ABCC9: variants seen among roughly 807,000 people sequenced by gnomAD.
ABCC9 encodes the protein ATP-binding cassette sub-family C member 9.
A neutral mutation model predicts 188.3 loss-of-function variants in ABCC9; 95 were observed. The ratio of observed to expected loss-of-function variants is 0.50; its 90% CI spans 0.43 to 0.60. The LOEUF is 0.60. Ranked by LOEUF, ABCC9 falls within the 20% of genes least tolerant of loss-of-function variation. The pLI is 0.00. For missense variants in ABCC9, 1,102 were observed against 1,876.3 expected (o/e 0.59, Z 7.62); for synonymous variants, 659 against 652.7 (o/e 1.01, Z -0.15).
At chr12:21,935,655 G>C (rs1174432389) in intron 3 of ABCC9, among the ~76,000 whole-genome samples, 1 of 152,100 alleles carries the variant, frequency 6.6e-6, no homozygotes, top group African/African-American at 2.4e-5. Flanking sequence ...GTTGTCTCCT[G>C]TGAAAAGATA....
chr12:21,905,982 G>T, intron 12 of ABCC9, 144 bp downstream of exon 12: 2 of 874,800 alleles, frequency 2.3e-6, no homozygotes, highest in East Asian at 2.6e-5. Flanking sequence ...GTGGCTGGTG[G>T]CTATTGGACA....
At chr12:21,910,568 C>T (rs573426478) in intron 9 of ABCC9, among the ~76,000 whole-genome samples, 1 of 151,770 alleles carries the variant, frequency 6.6e-6, no homozygotes, top group African/African-American at 2.4e-5. Context: ...TAAGCATAAG[C>T]CCTAGAACAA....
intron 16 of ABCC9, among the ~76,000 whole-genome samples, chr12:21,879,305 G>A (rs1005865780): frequency 6.6e-6 from 1 of 152,148 alleles, no homozygotes; most frequent in South Asian, 2.1e-4. Context: ...TGATAGGAAG[G>A]AGTATCAGGC....
intron 38 of ABCC9, 151 bp from the exon 39 acceptor site, chr12:21,806,211 A>C: frequency 1.4e-6 from 1 of 723,580 alleles, no homozygotes. Context: ...AGTCCCCAGC[A>C]GCAGGTTCAT....
In ABCC9 at chr12:21,844,756, C is replaced by T. The variant is rs771589793; in HGVS notation, c.3245+11G>A. ...TTTATGTGTGGGAGTGAGAAATAAC[C>T]ACTGTTTTACCTTATTGGTCCAAGG... On this transcript the variant is annotated intron_variant, in intron 27 of 39. Coordinates refer to ENST00000261200, the MANE Select transcript of ABCC9 (RefSeq NM_020297.4). 6.2e-7 allele frequency: 1 copy of T among 1,613,574 alleles called. No homozygotes were observed. Among genetic ancestry groups the T allele is most frequent in the Non-Finnish European group, 8.5e-7 (1 of 1,179,728 alleles).
chr12:21,931,550 A>G (rs1949289658), intron 4 of ABCC9, among the ~76,000 whole-genome samples: 1 of 152,126 alleles, frequency 6.6e-6, no homozygotes, highest in African/African-American at 2.4e-5. Context: ...CATGACCACT[A>G]CAAACAAGTT....
chr12:21,799,448 T>C lies in ABCC9; in HGVS notation c.*1596A>G, dbSNP rs1359932989. 1 of 152,154 alleles carries C rather than the reference T, an allele frequency of 6.6e-6. No homozygotes were observed. The highest frequency in any genetic ancestry group is 2.4e-5 in the African/African-American group (1 of 41,456). The allele number at this position is 152,154 out of a possible 1,614,324, so 9.4% of individuals were successfully genotyped here. ...ACATAATTAATGAGTACCAATCCTA[T>C]TCTGTTTAGCTTTAAGAAAACAATA... On this transcript the variant is annotated 3_prime_UTR_variant, in exon 40 of 40. Transcript: ENST00000261200.
chr12:21,927,260 G>A (rs1949078342), intron 4 of ABCC9, among the ~76,000 whole-genome samples: 1 of 152,202 alleles, frequency 6.6e-6, no homozygotes, highest in African/African-American at 2.4e-5. Context: ...TCAACCCGTG[G>A]AAAACTGAAA....
intron 16 of ABCC9, among the ~76,000 whole-genome samples, chr12:21,876,038 C>T (rs1946328540): frequency 2.0e-5 from 3 of 151,854 alleles, no homozygotes; most frequent in Admixed American, 6.6e-5. Flanking sequence ...GGTGACAGAG[C>T]GAGACTCCAT....
At chr12:21,822,524 G>T (rs1317800549) in intron 31 of ABCC9, among the ~76,000 whole-genome samples, 3 of 152,090 alleles carry the variant, frequency 2.0e-5, no homozygotes, top group Non-Finnish European at 4.4e-5. Flanking sequence ...TTGTGGCCAG[G>T]TGCAGTGGCT....
chr12:21,851,213 A>T (rs76870823), intron 24 of ABCC9, among the ~76,000 whole-genome samples: 1,774 of 152,306 alleles, frequency 0.012, 20 homozygotes, highest in Middle Eastern at 0.061. Context: ...ACTCAAGAAC[A>T]AAACATTTCA....
At chr12:21,872,122 G>C (rs704203) in intron 18 of ABCC9, among the ~76,000 whole-genome samples, 150,980 of 152,308 alleles carry the variant, frequency 0.99, 74,842 homozygotes, top group Middle Eastern at 1. Context: ...ACTAATCAAA[G>C]CTATTCATAT....
chr12:21,885,360 T>C (rs190856001), intron 15 of ABCC9, among the ~76,000 whole-genome samples: 3 of 152,308 alleles, frequency 2.0e-5, no homozygotes, highest in Non-Finnish European at 4.4e-5. Flanking sequence ...CCTGAAGATA[T>C]TGGATGCATT....
intron 37 of ABCC9, among the ~76,000 whole-genome samples, chr12:21,808,931 A>T (rs1474954999): frequency 6.6e-6 from 1 of 152,132 alleles, no homozygotes; most frequent in Non-Finnish European, 1.5e-5. Flanking sequence ...TCTCCTTGGA[A>T]CTTAATTAAA....
intron 38 of ABCC9, among the ~76,000 whole-genome samples, chr12:21,806,668 G>A (rs550637540): frequency 1.6e-4 from 25 of 152,078 alleles, no homozygotes; most frequent in Non-Finnish European, 1.6e-4. Context: ...CAGTATTACC[G>A]TTATAATAAC....
chr12:21,874,306 T>A (rs10841906), intron 17 of ABCC9, among the ~76,000 whole-genome samples: 47,913 of 151,542 alleles, frequency 0.32, 8,064 homozygotes, highest in South Asian at 0.46. Context: ...CCATAATGAC[T>A]TATCACCTCA....
chr12:21,827,576 A>G (rs1438247326), intron 31 of ABCC9, among the ~76,000 whole-genome samples: 1 of 150,602 alleles, frequency 6.6e-6, no homozygotes, highest in South Asian at 2.1e-4. Context: ...ACACACTCAC[A>G]TATCAAAACA....
At chr12:21,820,298 A>G (rs1432474565) in intron 31 of ABCC9, among the ~76,000 whole-genome samples, 4 of 152,026 alleles carry the variant, frequency 2.6e-5, no homozygotes, top group Non-Finnish European at 5.9e-5. Flanking sequence ...TGAGTGGTGT[A>G]TATGTTAAGA....
chr12:21,857,023 G>T (rs930444574), intron 22 of ABCC9, among the ~76,000 whole-genome samples: 4 of 152,134 alleles, frequency 2.6e-5, no homozygotes, highest in African/African-American at 9.7e-5. Context: ...ACTGTACCTT[G>T]TGAATTTTTA....
Sources: gnomAD v4.1 joint callset for allele counts (sites outside exome capture counted in the v4.1 genomes callset) on GRCh38, gnomAD v4.1.1 for gene constraint, MANE v1.5 for transcripts, NCBI Gene and HGNC (gene_info 2026-07-23, HGNC 2026-07-21) for gene names.